ACSL3: variants seen among roughly 807,000 people sequenced by gnomAD.
ACSL3 encodes the protein fatty acid CoA ligase Acsl3.
ACSL3 carries 34 observed loss-of-function variants against 84.7 expected under a neutral mutation model. That is an observed-to-expected ratio of 0.40 (90% CI 0.31 to 0.53). The LOEUF (loss-of-function observed/expected upper bound fraction) is 0.53. Ranked by LOEUF, ACSL3 falls within the 20% of genes least tolerant of loss-of-function variation. The pLI, the probability that ACSL3 is intolerant of heterozygous loss-of-function variation, is 0.48. For missense variants in ACSL3, 680 were observed against 873.1 expected (o/e 0.78, Z 2.79); for synonymous variants, 315 against 299.4 (o/e 1.05, Z -0.54).
At chr2:222,934,295 T>C (rs1697113462) in intron 15 of ACSL3, among the ~76,000 whole-genome samples, 1 of 152,206 alleles carries the variant, frequency 6.6e-6, no homozygotes. Flanking sequence ...TTGAAATTCA[T>C]CATGAAATGT....
intron 1 of ACSL3, among the ~76,000 whole-genome samples, chr2:222,862,805 C>G (rs1284974713): frequency 2.6e-5 from 4 of 152,134 alleles, no homozygotes; most frequent in African/African-American, 9.7e-5. Flanking sequence ...ATCTTTGGAT[C>G]TCAGTTACTG....
chr2:222,896,415 C>T (rs1344675885), intron 2 of ACSL3, among the ~76,000 whole-genome samples: 362 of 22,254 alleles, frequency 0.016, 2 homozygotes, highest in African/African-American at 0.063. Context: ...GGCGGCTGGC[C>T]GGGCAGGGGG....
chr2:222,923,693 G>A (rs1696799239), intron 10 of ACSL3, among the ~76,000 whole-genome samples: 1 of 152,212 alleles, frequency 6.6e-6, no homozygotes, highest in Non-Finnish European at 1.5e-5. Context: ...AACATAGGCT[G>A]AGTTTGTTTG....
At chr2:222,895,329 C>G (rs77884089) in intron 2 of ACSL3, among the ~76,000 whole-genome samples, 2,774 of 152,324 alleles carry the variant, frequency 0.018, 68 homozygotes, top group African/African-American at 0.056. Context: ...CCCACCCTCT[C>G]TCCTCCTCCA....
At chr2:222,906,249 C>T (rs1433016954) in intron 3 of ACSL3, among the ~76,000 whole-genome samples, 1 of 152,196 alleles carries the variant, frequency 6.6e-6, no homozygotes, top group Non-Finnish European at 1.5e-5. Context: ...CACTTGGGCA[C>T]GCACATAGTC....
chr2:222,863,233 G>A (rs144741685), intron 1 of ACSL3, among the ~76,000 whole-genome samples: 7 of 152,296 alleles, frequency 4.6e-5, no homozygotes, highest in African/African-American at 7.2e-5. Flanking sequence ...GTGTGAATGA[G>A]GATTATGAGC....
chr2:222,936,627 C>CCCT (rs1697178114), intron 16 of ACSL3, among the ~76,000 whole-genome samples: 1 of 149,838 alleles, frequency 6.7e-6, no homozygotes, highest in African/African-American at 2.5e-5. Context: ...ACCCCACCCC[C>CCCT]GTAGTTAAGT....
chr2:222,882,006 T>C (rs1274670645), intron 1 of ACSL3, among the ~76,000 whole-genome samples: 2 of 152,178 alleles, frequency 1.3e-5, no homozygotes, highest in South Asian at 2.1e-4. Context: ...CATTTTAGGA[T>C]TTTTTCCCTC....
rs1448990034 is a variant in ACSL3 at position 222,861,215 on chromosome 2, C to T, written c.-250C>T. 6.6e-6 allele frequency: 1 copy of T among 152,190 alleles called. No homozygotes were observed. The highest frequency in any genetic ancestry group is 1.5e-5 in the Non-Finnish European group (1 of 68,068). The allele number at this position is 152,190 out of a possible 1,614,324, so 9.4% of individuals were successfully genotyped here. ...TGAACGCTCTGGGGCTCAGCCAGGC[C>T]TGCGCGGGCCCGAGGCCGGAGGAAC... On this transcript the variant is annotated 5_prime_UTR_variant, in exon 1 of 17. Transcript: ENST00000357430.
chr2:222,931,772 C>T (rs1178358164), intron 14 of ACSL3, among the ~76,000 whole-genome samples: 1 of 152,204 alleles, frequency 6.6e-6, no homozygotes, highest in African/African-American at 2.4e-5. Context: ...CATTGTTCCC[C>T]TCTTCACCTT....
At chr2:222,928,763 C>A in intron 12 of ACSL3, 99 bp from the exon 13 acceptor site, 1 of 1,036,580 alleles carries the variant, frequency 9.6e-7, no homozygotes, top group Non-Finnish European at 1.5e-6. Context: ...CTGGGGATAC[C>A]TCAGCCTTAG....
intron 10 of ACSL3, among the ~76,000 whole-genome samples, chr2:222,923,994 A>G (rs914123459): frequency 3.3e-5 from 5 of 152,210 alleles, no homozygotes; most frequent in African/African-American, 1.2e-4. Context: ...TAGCCAAACA[A>G]AAACTCCCAA....
chr2:222,929,118 T>G (rs2106136795), intron 13 of ACSL3, among the ~76,000 whole-genome samples, 182 bp downstream of exon 13: 1 of 152,342 alleles, frequency 6.6e-6, no homozygotes, highest in South Asian at 2.1e-4. Context: ...AAGATGTTTC[T>G]GAAGAACTAT....
At chr2:222,921,558 T>TA (rs770245610) in intron 8 of ACSL3, 128 bp downstream of exon 8, 2 of 875,804 alleles carry the variant, frequency 2.3e-6, no homozygotes, top group Non-Finnish European at 3.3e-6. Flanking sequence ...GGCATTTCCT[T>TA]AAAAAATAAA....
chr2:222,900,072 G>T (rs1486442654), intron 2 of ACSL3, among the ~76,000 whole-genome samples: 1 of 152,150 alleles, frequency 6.6e-6, no homozygotes, highest in Admixed American at 6.5e-5. Context: ...GCAACATAAA[G>T]TATCTATGAC....
Position 222,942,959 on chromosome 2 carries a change from C to A in ACSL3, c.*1305C>A. On this transcript the variant is annotated 3_prime_UTR_variant, in exon 17 of 17. Transcript: ENST00000357430. ...TTGTCTGTTGTTATATCTGGATTATCAAAAGCAATAGTGCACCAATTAAGA... is the reference window on the plus strand; with the variant it reads ...TTGTCTGTTGTTATATCTGGATTATAAAAAGCAATAGTGCACCAATTAAGA... 1 of 223,934 alleles carries A rather than the reference C, an allele frequency of 4.5e-6. No homozygotes were observed. The highest frequency in any genetic ancestry group is 8.9e-6 in the Non-Finnish European group (1 of 112,428). The allele number at this position is 223,934 out of a possible 1,614,324, so 13.9% of individuals were successfully genotyped here.
At chr2:222,866,950 G>A (rs541508351) in intron 1 of ACSL3, among the ~76,000 whole-genome samples, 36 of 150,460 alleles carry the variant, frequency 2.4e-4, no homozygotes, top group African/African-American at 8.3e-4. Context: ...TTCTCCTGCC[G>A]CAGCCTCCCG....
intron 16 of ACSL3, among the ~76,000 whole-genome samples, chr2:222,940,947 C>G (rs1479144383): frequency 6.6e-6 from 1 of 151,738 alleles, no homozygotes; most frequent in Non-Finnish European, 1.5e-5. Flanking sequence ...GTTGCCCAGG[C>G]TGGAGTGCAG....
At chr2:222,874,771 A>C (rs949966784) in intron 1 of ACSL3, among the ~76,000 whole-genome samples, 2 of 152,116 alleles carry the variant, frequency 1.3e-5, no homozygotes, top group African/African-American at 4.8e-5. Flanking sequence ...TGCTTATTGG[A>C]TATATCCTGC....
Sources: allele counts gnomAD v4.1 joint callset (sites outside exome capture counted in the v4.1 genomes callset), GRCh38; gene constraint gnomAD v4.1.1; transcripts MANE v1.5; gene names NCBI Gene and HGNC (gene_info 2026-07-23, HGNC 2026-07-21).